The following RXFP2 variants were observed in gnomAD, a reference collection of about 807,000 sequenced individuals.
RXFP2 encodes relaxin receptor 2.
RXFP2 carries 68 observed loss-of-function variants against 88.6 expected under a neutral mutation model. The ratio of observed to expected loss-of-function variants is 0.77; its 90% CI spans 0.63 to 0.94. RXFP2 has a LOEUF of 0.94. RXFP2 is among the 40% of genes least tolerant of loss of function. RXFP2 has a pLI of 0.00. For synonymous variants in RXFP2, 329 were observed against 306.8 expected (o/e 1.07, Z -0.76); for missense variants, 791 against 893.9 (o/e 0.88, Z 1.47).
chr13:31,768,893 CCA>C (rs771757844), intron 5 of RXFP2, among the ~76,000 whole-genome samples: 110 of 152,242 alleles, frequency 7.2e-4, no homozygotes, highest in Non-Finnish European at 9.4e-4. Context: ...ATTCAATGAC[CCA>C]AATAACAAAT....
At chr13:31,757,702 C>T (rs1210271733) in intron 1 of RXFP2, among the ~76,000 whole-genome samples, 1 of 152,228 alleles carries the variant, frequency 6.6e-6, no homozygotes, top group Non-Finnish European at 1.5e-5. Context: ...GACAATACAT[C>T]TGGTTTTGTT....
At chr13:31,781,215 G>A (rs978686285) in intron 9 of RXFP2, among the ~76,000 whole-genome samples, 1 of 152,194 alleles carries the variant, frequency 6.6e-6, no homozygotes, top group Admixed American at 6.5e-5. Flanking sequence ...GATTCTGACA[G>A]ATCTGAGCTG....
chr13:31,775,504 A>T (rs746444528), intron 7 of RXFP2, 115 bp downstream of exon 7: 2 of 816,766 alleles, frequency 2.4e-6, no homozygotes, highest in Non-Finnish European at 4.2e-6. Context: ...TGCTTTTCTG[A>T]TTATCATATA....
chr13:31,766,795 T>C (rs954777581), intron 5 of RXFP2, among the ~76,000 whole-genome samples: 2 of 152,196 alleles, frequency 1.3e-5, no homozygotes, highest in Non-Finnish European at 2.9e-5. Flanking sequence ...AGCATTCCTA[T>C]AAGTGGGATG....
At chr13:31,782,641 C>T (rs1443781891) in intron 10 of RXFP2, 35 bp from the exon 11 acceptor site, 1 of 1,525,712 alleles carries the variant, frequency 6.6e-7, no homozygotes, top group Admixed American at 1.7e-5. Context: ...ACAGCAGACG[C>T]AAACCCACAT....
intron 9 of RXFP2, 35 bp downstream of exon 9, chr13:31,778,618 C>A: frequency 7.0e-7 from 1 of 1,421,718 alleles, no homozygotes; most frequent in Middle Eastern, 1.9e-4. Flanking sequence ...TTGTTATTTG[C>A]CCTGATTAAG....
intron 10 of RXFP2, 104 bp downstream of exon 10, chr13:31,781,846 C>T (rs561766556): frequency 5.7e-5 from 49 of 862,750 alleles, no homozygotes; most frequent in Non-Finnish European, 9.0e-5. Context: ...TTGTTTACAG[C>T]CTTGGTCTGA....
intron 5 of RXFP2, among the ~76,000 whole-genome samples, chr13:31,771,965 A>T (rs999051201): frequency 6.6e-6 from 1 of 151,008 alleles, no homozygotes; most frequent in Non-Finnish European, 1.5e-5. Context: ...AAAACAAAAA[A>T]CAAATTCCTA....
At chr13:31,792,634 G>T in intron 15 of RXFP2, 44 bp from the exon 16 acceptor site, 1 of 1,582,030 alleles carries the variant, frequency 6.3e-7, no homozygotes, top group Non-Finnish European at 8.7e-7. Flanking sequence ...CTAAAACAGG[G>T]ACATTGGAAA....
chr13:31,786,551 T>C lies in RXFP2; in HGVS notation c.1002-15T>C. 7.2e-7 allele frequency: 1 copy of C among 1,398,502 alleles called. No homozygotes were observed. Among genetic ancestry groups the C allele is most frequent in the Non-Finnish European group, 9.9e-7 (1 of 1,012,972 alleles). 86.6% of individuals were successfully genotyped at this position (1,398,502 alleles called of 1,614,324 possible). On this transcript the variant is annotated splice_polypyrimidine_tract_variant and intron_variant, in intron 12 of 17. Transcript: ENST00000298386. ...AAACTTCTTTTCCTCTCTCATCTAA[T>C]GGTAAAAAAAAAAGGAACCTGTCAT...
In RXFP2 at chr13:31,781,666, TC is replaced by T. The variant is rs1430159933; in HGVS notation, c.786-3del. 1.2e-6 allele frequency: 2 copies of T among 1,602,036 alleles called. No homozygotes were observed. Among genetic ancestry groups the T allele is most frequent in the Admixed American group, 1.7e-5 (1 of 59,866 alleles). On this transcript the variant is annotated splice_region_variant and splice_polypyrimidine_tract_variant and intron_variant, in intron 9 of 17. Transcript: ENST00000298386. ...TTAAAAATATCTTTCCTCCATGACT[TC>T]CAGGGATTTGGAAGGCAATAGAATA... is the stretch of plus-strand genomic sequence containing the variant.
chr13:31,788,137 GAA>G (rs11434187), intron 13 of RXFP2, among the ~76,000 whole-genome samples: 1 of 138,260 alleles, frequency 7.2e-6, no homozygotes. Context: ...GAGCCAGAGA[GAA>G]AAAAAAAAAA....
chr13:31,741,737 T>C (rs1871230939), intron 1 of RXFP2, among the ~76,000 whole-genome samples: 1 of 152,222 alleles, frequency 6.6e-6, no homozygotes, highest in Non-Finnish European at 1.5e-5. Flanking sequence ...TTATTACGTG[T>C]GTTTTATCAT....
intron 1 of RXFP2, among the ~76,000 whole-genome samples, chr13:31,757,023 T>G (rs1274668219): frequency 6.6e-6 from 1 of 152,244 alleles, no homozygotes; most frequent in Non-Finnish European, 1.5e-5. Flanking sequence ...AAAGAATATC[T>G]CTTACATTTA....
intron 1 of RXFP2, among the ~76,000 whole-genome samples, chr13:31,741,409 TA>T (rs1038187695): frequency 2.6e-5 from 4 of 152,164 alleles, no homozygotes; most frequent in Non-Finnish European, 4.4e-5. Context: ...TTCCTACTTA[TA>T]AAAATAATAG....
chr13:31,741,484 G>A (rs754765978), intron 1 of RXFP2, among the ~76,000 whole-genome samples: 8 of 151,962 alleles, frequency 5.3e-5, no homozygotes, highest in Non-Finnish European at 1.0e-4. Context: ...CAATTAAAAC[G>A]GTAAGGCTTT....
chr13:31,776,135 T>C (rs1181708897), intron 7 of RXFP2, among the ~76,000 whole-genome samples: 1 of 149,872 alleles, frequency 6.7e-6, no homozygotes. Context: ...TCTTTCTTTC[T>C]TTCTTTCTCT....
intron 16 of RXFP2, among the ~76,000 whole-genome samples, chr13:31,794,505 C>G (rs539617804): frequency 7.9e-4 from 120 of 152,030 alleles, no homozygotes; most frequent in African/African-American, 2.9e-3. Flanking sequence ...ACAGATCCAG[C>G]CTCAAAGGCC....
chr13:31,788,794 T>A (rs1371936027), intron 13 of RXFP2, among the ~76,000 whole-genome samples: 1 of 152,136 alleles, frequency 6.6e-6, no homozygotes, highest in Admixed American at 6.5e-5. Flanking sequence ...ACCCTCTAAT[T>A]CCTATGGCAT....
Sources: allele counts gnomAD v4.1 joint callset (sites outside exome capture counted in the v4.1 genomes callset), GRCh38; gene constraint gnomAD v4.1.1; transcripts MANE v1.5; gene names NCBI Gene and HGNC (gene_info 2026-07-23, HGNC 2026-07-21).